GALNT17: variants seen among roughly 807,000 people sequenced by gnomAD.
GALNT17 encodes UDP-GalNAc:polypeptide N-acetylgalactosaminyltransferase-like 3.
Under a neutral mutation model 63.7 loss-of-function variants are expected in GALNT17, and 29 were observed. The ratio of observed to expected loss-of-function variants is 0.46; its 90% CI spans 0.34 to 0.62. The LOEUF (loss-of-function observed/expected upper bound fraction) is 0.62, where lower values mean the gene tolerates loss of function less well. Ranked by LOEUF, GALNT17 falls within the 20% of genes least tolerant of loss-of-function variation. GALNT17 has a pLI of 0.01. For missense variants in GALNT17, 603 were observed against 799.6 expected, an observed-to-expected ratio of 0.75 and a Z score of 2.97; for synonymous variants, 305 against 318.3, an observed-to-expected ratio of 0.96 and a Z score of 0.45.
At chr7:71,376,025 G>A (rs906108506) in intron 2 of GALNT17, among the ~76,000 whole-genome samples, 3 of 151,834 alleles carry the variant, frequency 2.0e-5, no homozygotes, top group Admixed American at 6.6e-5. Context: ...GTCACAGTGA[G>A]CCAAGATTGT....
intron 1 of GALNT17, among the ~76,000 whole-genome samples, chr7:71,153,267 G>A (rs534632808): frequency 6.6e-6 from 1 of 152,268 alleles, no homozygotes; most frequent in East Asian, 1.9e-4. Context: ...AATATGATAA[G>A]GACGGTGTAA....
rs1477083882 is a variant in GALNT17, at chr7:71,506,682, CAG to C, written c.963-64602_963-64601del. Among the ~76,000 whole-genome samples, 5 of 152,110 alleles carry C rather than the reference CAG, an allele frequency of 3.3e-5. No individual in the cohort carries two copies. In the East Asian group the frequency reaches 9.6e-4, roughly 29 times the overall value. On this transcript the variant is annotated intron_variant, in intron 5 of 10. Transcript: ENST00000333538. ...TACATGCAATATGTAGTAATCAAAT[CAG>C]GGTAGTTAGCGTGTCTATCATCTCA...
At chr7:71,561,051 C>G (rs28526781) in intron 5 of GALNT17, among the ~76,000 whole-genome samples, 1 of 152,030 alleles carries the variant, frequency 6.6e-6, no homozygotes, top group East Asian at 1.9e-4. Flanking sequence ...CTCGCTCTGT[C>G]GGCCAGGCTG....
At chr7:71,454,916 A>G (rs115282946) in intron 5 of GALNT17, among the ~76,000 whole-genome samples, 3,020 of 152,184 alleles carry the variant, frequency 0.02, 40 homozygotes, top group African/African-American at 0.033. Context: ...CTATAATCCA[A>G]GCACTTTGGG....
chr7:71,184,004 C>T (rs1788784731), intron 1 of GALNT17, among the ~76,000 whole-genome samples: 1 of 152,182 alleles, frequency 6.6e-6, no homozygotes, highest in Non-Finnish European at 1.5e-5. Context: ...AAGTCCTAAC[C>T]TCCAGCACCT....
intron 9 of GALNT17, among the ~76,000 whole-genome samples, chr7:71,695,454 C>T (rs1791525421): frequency 6.6e-6 from 1 of 152,144 alleles, no homozygotes; most frequent in South Asian, 2.1e-4. Context: ...AGGAGCTGGC[C>T]CTCTCTGCAG....
At chr7:71,447,812 A>G (rs1030025762) in intron 5 of GALNT17, among the ~76,000 whole-genome samples, 6 of 152,032 alleles carry the variant, frequency 3.9e-5, no homozygotes, top group Non-Finnish European at 5.9e-5. Context: ...CATGCTTTCT[A>G]CCACTTGTCT....
intron 3 of GALNT17, among the ~76,000 whole-genome samples, chr7:71,410,366 C>T (rs1793408715): frequency 6.6e-6 from 1 of 152,136 alleles, no homozygotes; most frequent in Admixed American, 6.5e-5. Flanking sequence ...CCACCTCAGG[C>T]TCCTGAATAG....
intron 1 of GALNT17, among the ~76,000 whole-genome samples, chr7:71,250,239 G>A (rs1166535053): frequency 6.6e-6 from 1 of 152,068 alleles, no homozygotes; most frequent in Non-Finnish European, 1.5e-5. Flanking sequence ...ATTTATGGAT[G>A]CCATAGGCTC....
At chr7:71,437,653 G>A (rs1318092865) in intron 5 of GALNT17, among the ~76,000 whole-genome samples, 1 of 152,164 alleles carries the variant, frequency 6.6e-6, no homozygotes, top group East Asian at 1.9e-4. Flanking sequence ...TCAGCAGCAT[G>A]ATGTGATAGA....
intron 2 of GALNT17, among the ~76,000 whole-genome samples, chr7:71,367,534 T>C (rs1185012102): frequency 6.6e-6 from 1 of 152,104 alleles, no homozygotes; most frequent in Admixed American, 6.6e-5. Context: ...CCCTAATCTA[T>C]GTGGTTGTTT....
chr7:71,370,860 C>T (rs1792608720), intron 2 of GALNT17, among the ~76,000 whole-genome samples: 1 of 152,130 alleles, frequency 6.6e-6, no homozygotes. Flanking sequence ...CCTGCCTCAG[C>T]CTCCCAAAGT....
chr7:71,501,918 C>T (rs1788186556), intron 5 of GALNT17, among the ~76,000 whole-genome samples: 1 of 151,926 alleles, frequency 6.6e-6, no homozygotes, highest in South Asian at 2.1e-4. Flanking sequence ...TACCATCCTC[C>T]CCTTCTTCCC....
At chr7:71,217,923 G>A (rs559782219) in intron 1 of GALNT17, among the ~76,000 whole-genome samples, 6 of 129,730 alleles carry the variant, frequency 4.6e-5, no homozygotes, top group African/African-American at 1.0e-4. Flanking sequence ...GCTAGACTCC[G>A]TCTCAAAAAA....
chr7:71,694,045 TC>T (rs1201975030), intron 9 of GALNT17, among the ~76,000 whole-genome samples: 3 of 152,110 alleles, frequency 2.0e-5, no homozygotes, highest in Non-Finnish European at 4.4e-5. Flanking sequence ...GACTCACAGT[TC>T]CACGTGGCTG....
intron 6 of GALNT17, among the ~76,000 whole-genome samples, chr7:71,651,836 T>C (rs1258212993): frequency 6.6e-6 from 1 of 152,114 alleles, no homozygotes; most frequent in Non-Finnish European, 1.5e-5. Context: ...CTCAACCACC[T>C]GAGTTGCTGT....
At chr7:71,527,377 G>C (rs1290907466) in intron 5 of GALNT17, among the ~76,000 whole-genome samples, 1 of 152,118 alleles carries the variant, frequency 6.6e-6, no homozygotes, top group Non-Finnish European at 1.5e-5. Flanking sequence ...ATTTTCCCCC[G>C]ATTATGTGAG....
At chr7:71,328,787 T>C (rs1324126222) in intron 1 of GALNT17, among the ~76,000 whole-genome samples, 1 of 152,006 alleles carries the variant, frequency 6.6e-6, no homozygotes, top group Non-Finnish European at 1.5e-5. Flanking sequence ...TTGGAGGCTG[T>C]TAAGTGAATG....
At chr7:71,582,308 C>T (rs1789646832) in intron 6 of GALNT17, among the ~76,000 whole-genome samples, 1 of 151,850 alleles carries the variant, frequency 6.6e-6, no homozygotes, top group Non-Finnish European at 1.5e-5. Flanking sequence ...GGTGCAGTGC[C>T]TCACACCTGT....
Sources: gnomAD v4.1 joint callset for allele counts (sites outside exome capture counted in the v4.1 genomes callset) on GRCh38, gnomAD v4.1.1 for gene constraint, MANE v1.5 for transcripts, NCBI Gene and HGNC (gene_info 2026-07-23, HGNC 2026-07-21) for gene names.